UBN2: variants seen among roughly 807,000 people sequenced by gnomAD.
UBN2 encodes ubinuclein-2.
Under a neutral mutation model 120.2 loss-of-function variants are expected in UBN2, and 35 were observed. The ratio of observed to expected loss-of-function variants is 0.29; its 90% CI spans 0.22 to 0.39. The LOEUF is 0.39. Among genes scored for constraint, UBN2 ranks in the 10% least tolerant of loss-of-function variants. The probability of loss-of-function intolerance (pLI) is 1.00; values close to 1 mark genes in which losing one functional copy is unlikely to be tolerated. For missense variants in UBN2, 1,693 were observed against 1,663.2 expected, an observed-to-expected ratio of 1.02 and a Z score of -0.31; for synonymous variants, 661 against 648.7, an observed-to-expected ratio of 1.02 and a Z score of -0.29.
chr7:139,293,816 C>G (rs1360797133), intron 16 of UBN2, 73 bp from the exon 17 acceptor site: 4 of 1,393,460 alleles, frequency 2.9e-6, no homozygotes, highest in Non-Finnish European at 4.1e-6. Context: ...TTACATAAAT[C>G]AGTTTTCATT....
At chr7:139,273,490 T>C in intron 10 of UBN2, 80 bp downstream of exon 10, 6 of 990,642 alleles carry the variant, frequency 6.1e-6, no homozygotes, top group Non-Finnish European at 8.5e-6. Flanking sequence ...ATAATAAATA[T>C]AAAACTAGAT....
At chr7:139,294,495 A>G (rs1168058171) in intron 17 of UBN2, among the ~76,000 whole-genome samples, 1 of 152,222 alleles carries the variant, frequency 6.6e-6, no homozygotes, top group African/African-American at 2.4e-5. Flanking sequence ...GTCTGACTCC[A>G]TGGCCTGTAT....
At chr7:139,278,614 T>C (rs1465634347) in intron 12 of UBN2, among the ~76,000 whole-genome samples, 5 of 151,406 alleles carry the variant, frequency 3.3e-5, no homozygotes, top group African/African-American at 4.9e-5. Flanking sequence ...TAAATGGCCT[T>C]CATAAAAAAA....
intron 15 of UBN2, among the ~76,000 whole-genome samples, chr7:139,286,466 A>G (rs1797791468): frequency 6.6e-6 from 1 of 152,054 alleles, no homozygotes; most frequent in East Asian, 1.9e-4. Context: ...CCTTTATGTT[A>G]ATGATTTAGT....
At chr7:139,232,001 C>A (rs749701304) in intron 1 of UBN2, 49 bp downstream of exon 1, 1 of 1,545,444 alleles carries the variant, frequency 6.5e-7, no homozygotes. Context: ...GCCTCAGGAC[C>A]CGCCGCCTTC....
chr7:139,293,349 G>C lies in UBN2; in HGVS notation c.3787G>C (p.Val1263Leu). The C allele has an allele frequency of 6.2e-7, 1 of 1,614,168 alleles. No individual in the cohort carries two copies. The highest frequency in any genetic ancestry group is 8.5e-7 in the Non-Finnish European group (1 of 1,180,034). Reference protein sequence around the residue: ...PFGMLGGLVPVTMPFQFPLEI... With the variant: ...PFGMLGGLVPLTMPFQFPLEI... Reference sequence around the variant, plus strand: ...TGGGATGCTGGGTGGCCTTGTTCCAGTGACCATGCCCTTCCAGTTTCCCTT... The same window carrying C: ...TGGGATGCTGGGTGGCCTTGTTCCACTGACCATGCCCTTCCAGTTTCCCTT... The change falls in exon 16 of 18, where the codon GTG (valine) becomes CTG (leucine). Residue 1263 changes from valine to leucine, a missense_variant. Around this residue, in one of 5 missense-constraint regions of UBN2, gnomAD observed 837 missense variants for 817.6 expected, o/e 1.02. Coordinates refer to ENST00000473989, the MANE Select transcript of UBN2 (RefSeq NM_173569.4).
At chr7:139,320,273 C>G in the UBN2 span, among the ~76,000 whole-genome samples, 1 of 151,816 alleles carries the variant, frequency 6.6e-6, no homozygotes, top group African/African-American at 2.4e-5. Context: ...ACCAGCCTGG[C>G]CAACATGGTG....
In UBN2 at chr7:139,300,783, G is replaced by GTAT. The variant is rs1798237225; in HGVS notation, c.*2949_*2951dup. The GTAT allele has an allele frequency of 6.6e-6, 1 of 152,178 alleles. No homozygotes were observed. Among genetic ancestry groups the GTAT allele is most frequent in the South Asian group, 2.1e-4 (1 of 4,832 alleles). The allele number at this position is 152,178 out of a possible 1,614,324, so 9.4% of individuals were successfully genotyped here. On this transcript the variant is annotated 3_prime_UTR_variant, in exon 18 of 18. Coordinates refer to ENST00000473989, the MANE Select transcript of UBN2 (RefSeq NM_173569.4). ...TACTGTACATACAAGTTAATCCTCA[G>GTAT]TATTCACAAGCAATAACAGTCAGCA... is the stretch of plus-strand genomic sequence containing the variant.
Position 139,304,079 on chromosome 7 carries a change from A to C in UBN2, c.*6243A>C, listed in dbSNP as rs1022701168. 2.0e-5 allele frequency: 3 copies of C among 152,206 alleles called. No homozygotes were observed. The highest frequency in any genetic ancestry group is 2.0e-4 in the Admixed American group (3 of 15,284). The allele number at this position is 152,206 out of a possible 1,614,324, so 9.4% of individuals were successfully genotyped here. ...GATAGCTAAGCTTTTTAACTTTCTA[A>C]GAATGAGTATGATGTCTCATTCTTG... On this transcript the variant is annotated 3_prime_UTR_variant, in exon 18 of 18. Transcript: ENST00000473989.
intron 7 of UBN2, among the ~76,000 whole-genome samples, chr7:139,268,548 C>T (rs928560725): frequency 3.3e-5 from 5 of 152,096 alleles, no homozygotes; most frequent in African/African-American, 1.2e-4. Flanking sequence ...GAATTTGACC[C>T]GGATCAATAA....
In UBN2 at chr7:139,284,519, C is replaced by G; in HGVS notation, c.3614C>G (p.Thr1205Ser). ...GTQGATKPLS[T>S]PHRPSTASGS... ...CAGGGTGCTACCAAACCATTGTCTA[C>G]TCCACATAGACCATCCACTGCCTCA... The change falls in exon 15 of 18, where the codon ACT (threonine) becomes AGT (serine). Residue 1205 changes from threonine to serine, a missense_variant. Thr to Ser is a moderately conservative substitution (Grantham distance 58, BLOSUM62 1). Coordinates refer to ENST00000473989, the MANE Select transcript of UBN2 (RefSeq NM_173569.4). 1 of 1,614,018 alleles carries G rather than the reference C, an allele frequency of 6.2e-7. No homozygotes were observed. Among genetic ancestry groups the G allele is most frequent in the Non-Finnish European group, 8.5e-7 (1 of 1,180,024 alleles).
chr7:139,308,077 G>A lies in UBN2; in HGVS notation c.*10241G>A, dbSNP rs891818105. The A allele has an allele frequency of 6.7e-6, 1 of 148,816 alleles. No homozygotes were observed. The highest frequency in any genetic ancestry group is 2.1e-4 in the South Asian group (1 of 4,730). 9.2% of individuals were successfully genotyped at this position (148,816 alleles called of 1,614,324 possible). On this transcript the variant is annotated 3_prime_UTR_variant, in exon 18 of 18. Coordinates refer to ENST00000473989, the MANE Select transcript of UBN2 (RefSeq NM_173569.4). ...CAACAGCCTTGCTCATATTCCAGGT[G>A]TAGCTAGCAAACCCCTGTTTTTGAA...
rs371108584 is a variant in UBN2 at position 139,252,105 on chromosome 7, G to A, written c.663+48G>A. On this transcript the variant is annotated intron_variant, in intron 3 of 17. Transcript: ENST00000473989. ...AGCAGCAAATTCATTGTTTGTATGG[G>A]ATAGTAGAAGTCAAGGGTAAAGTAA... The A allele has an allele frequency of 4.6e-4, 692 of 1,495,678 alleles. 7 individuals are homozygous for A. In the South Asian group the frequency reaches 7.6e-3, roughly 16 times the overall value. The allele number at this position is 1,495,678 out of a possible 1,614,324, so 92.7% of individuals were successfully genotyped here.
the UBN2 span, among the ~76,000 whole-genome samples, chr7:139,317,527 T>C: frequency 3.3e-5 from 5 of 152,198 alleles, no homozygotes; most frequent in Admixed American, 1.3e-4. Context: ...TAGGCAGATA[T>C]TGACACTAAT....
the UBN2 span, among the ~76,000 whole-genome samples, chr7:139,329,455 G>A: frequency 2.6e-5 from 4 of 152,054 alleles, no homozygotes; most frequent in African/African-American, 7.2e-5. Context: ...CTGGGGGTGG[G>A]TCCCAGCCAC....
Position 139,259,251 on chromosome 7 carries a change from T to G in UBN2, c.802-16T>G. The stretch of plus-strand genomic sequence containing the variant: ...TTGTTACTTACATAAATGATCATTC[T>G]TTTATCATTTTGCAGGTCCCCAAAA... On this transcript the variant is annotated splice_polypyrimidine_tract_variant and intron_variant, in intron 4 of 17. Coordinates refer to ENST00000473989, the MANE Select transcript of UBN2 (RefSeq NM_173569.4). The G allele has an allele frequency of 6.2e-7, 1 of 1,610,536 alleles. No individual in the cohort carries two copies. The highest frequency in any genetic ancestry group is 2.2e-5 in the East Asian group (1 of 44,848).
chr7:139,272,657 G>T (rs981893313), intron 9 of UBN2, among the ~76,000 whole-genome samples: 4 of 152,092 alleles, frequency 2.6e-5, no homozygotes, highest in African/African-American at 7.2e-5. Context: ...CTCACAAGTA[G>T]CTGGGATTAC....
At chr7:139,327,794 C>T in the UBN2 span, among the ~76,000 whole-genome samples, 1 of 152,170 alleles carries the variant, frequency 6.6e-6, no homozygotes, top group Non-Finnish European at 1.5e-5. Context: ...CGTATCACCC[C>T]TTACCACAAC....
At chr7:139,258,401 A>G in intron 3 of UBN2, 87 bp from the exon 4 acceptor site, 1 of 1,071,274 alleles carries the variant, frequency 9.3e-7, no homozygotes, top group Non-Finnish European at 1.3e-6. Context: ...TTTAAGGGAG[A>G]TGCTGCCATG....
Sources: allele counts gnomAD v4.1 joint callset (sites outside exome capture counted in the v4.1 genomes callset), GRCh38; gene constraint gnomAD v4.1.1; regional missense constraint gnomAD v4.1.1; transcripts MANE v1.5; gene names NCBI Gene and HGNC (gene_info 2026-07-23, HGNC 2026-07-21).